The following PLCL2 variants were observed in gnomAD, a reference collection of about 807,000 sequenced individuals.
The protein encoded by PLCL2 is phospholipase C like 2, also known as inactive phospholipase C-like protein 2.
PLCL2 carries 4 observed loss-of-function variants against 79.6 expected under a neutral mutation model. The ratio of observed to expected loss-of-function variants is 0.05; its 90% CI spans 0.02 to 0.11. PLCL2 has a LOEUF of 0.11. PLCL2 is among the 10% of genes least tolerant of loss of function. The probability of loss-of-function intolerance (pLI) is 1.00; values close to 1 mark genes in which losing one functional copy is unlikely to be tolerated. For missense variants in PLCL2, 895 were observed against 1,291.0 expected (o/e 0.69, Z 4.70); for synonymous variants, 484 against 457.7 (o/e 1.06, Z -0.73).
At chr3:16,915,199 T>C (rs1465236809) in intron 1 of PLCL2, among the ~76,000 whole-genome samples, 1 of 152,222 alleles carries the variant, frequency 6.6e-6, no homozygotes, top group African/African-American at 2.4e-5. Context: ...TGCATAACAT[T>C]AGTGAACATT....
chr3:17,055,514 C>A (rs1417931973), intron 4 of PLCL2, among the ~76,000 whole-genome samples: 1 of 152,164 alleles, frequency 6.6e-6, no homozygotes, highest in African/African-American at 2.4e-5. Flanking sequence ...TAACCTTCAC[C>A]CTAATTCTGC....
At chr3:17,066,257 A>G (rs2065010351) in intron 4 of PLCL2, among the ~76,000 whole-genome samples, 1 of 152,186 alleles carries the variant, frequency 6.6e-6, no homozygotes. Context: ...AGTGGAATGA[A>G]TCTTACTAGT....
intron 5 of PLCL2, 80 bp downstream of exon 5, chr3:17,068,145 T>A: frequency 1.3e-6 from 1 of 774,912 alleles, no homozygotes; most frequent in Non-Finnish European, 2.3e-6. Flanking sequence ...TAACATTTCC[T>A]GCATTGTACA....
chr3:17,063,247 T>TCCC (rs1205211590), intron 4 of PLCL2, among the ~76,000 whole-genome samples: 1 of 2,202 alleles, frequency 4.5e-4, no homozygotes, highest in Non-Finnish European at 9.3e-4. Context: ...CCTCCCTGCC[T>TCCC]TCCTCCCTTC....
At chr3:16,903,358 G>A (rs904267809) in intron 1 of PLCL2, among the ~76,000 whole-genome samples, 3 of 152,146 alleles carry the variant, frequency 2.0e-5, no homozygotes, top group East Asian at 1.9e-4. Flanking sequence ...GATACTATGC[G>A]TGGTCTGTAA....
intron 5 of PLCL2, among the ~76,000 whole-genome samples, chr3:17,074,066 G>A (rs530140495): frequency 1.3e-5 from 2 of 152,256 alleles, no homozygotes; most frequent in East Asian, 1.9e-4. Flanking sequence ...TTTCCAGAAG[G>A]TCTTCAATTT....
intron 1 of PLCL2, among the ~76,000 whole-genome samples, chr3:17,005,973 T>G (rs2064256345): frequency 6.6e-6 from 1 of 152,220 alleles, no homozygotes; most frequent in African/African-American, 2.4e-5. Context: ...TTTATACTAT[T>G]TTTTAAAAGT....
chr3:16,965,615 A>G (rs909714049), intron 1 of PLCL2, among the ~76,000 whole-genome samples: 5 of 152,108 alleles, frequency 3.3e-5, no homozygotes, highest in Non-Finnish European at 7.4e-5. Flanking sequence ...CTTGGGCAGT[A>G]TGGCCATTTT....
At chr3:16,997,633 G>A (rs2064167535) in intron 1 of PLCL2, among the ~76,000 whole-genome samples, 1 of 151,572 alleles carries the variant, frequency 6.6e-6, no homozygotes. Context: ...CCACCTCCGG[G>A]GTTCAAGCAA....
intron 1 of PLCL2, among the ~76,000 whole-genome samples, chr3:16,999,799 T>G (rs1247414825): frequency 6.6e-6 from 1 of 151,868 alleles, no homozygotes; most frequent in Non-Finnish European, 1.5e-5. Flanking sequence ...ATTAATAAAA[T>G]TGTGTTACTT....
intron 1 of PLCL2, among the ~76,000 whole-genome samples, chr3:16,964,798 G>T (rs1223199233): frequency 6.2e-4 from 94 of 152,130 alleles, no homozygotes; most frequent in African/African-American, 1.8e-3. Flanking sequence ...TCATGTGTCT[G>T]TTGGCTGCAT....
intron 1 of PLCL2, among the ~76,000 whole-genome samples, chr3:16,971,787 A>T (rs926988648): frequency 3.3e-5 from 5 of 152,056 alleles, no homozygotes; most frequent in Non-Finnish European, 5.9e-5. Context: ...CTGGATTCCT[A>T]GGTATTTTAT....
intron 1 of PLCL2, among the ~76,000 whole-genome samples, chr3:16,983,545 C>G (rs2064020649): frequency 6.6e-6 from 1 of 152,166 alleles, no homozygotes; most frequent in Non-Finnish European, 1.5e-5. Context: ...TGGCCGGCAC[C>G]TGTAATCCCA....
chr3:16,904,869 G>A (rs995084770), intron 1 of PLCL2, among the ~76,000 whole-genome samples: 1 of 152,154 alleles, frequency 6.6e-6, no homozygotes, highest in Non-Finnish European at 1.5e-5. Context: ...GCCATGTAAA[G>A]AAGAATGTGT....
intron 1 of PLCL2, among the ~76,000 whole-genome samples, chr3:16,955,814 A>G (rs1351864974): frequency 1.3e-5 from 2 of 152,072 alleles, no homozygotes; most frequent in East Asian, 3.9e-4. Flanking sequence ...TTCACTCATG[A>G]TTTGGCTCTC....
rs556132970 is a variant in PLCL2 at position 17,083,337 on chromosome 3, A to G, written c.3205-6396A>G. ...AAGGGCATTCCCTGCAGAGGGAACAATGAGTGCATAGACATTGAGGTTGGA... is the reference window on the plus strand; with the variant it reads ...AAGGGCATTCCCTGCAGAGGGAACAGTGAGTGCATAGACATTGAGGTTGGA... On this transcript the variant is annotated intron_variant, in intron 5 of 5. Coordinates refer to ENST00000615277, the MANE Select transcript of PLCL2 (RefSeq NM_001144382.2). Among the ~76,000 whole-genome samples the G allele has an allele frequency of 3.9e-5, 6 of 152,324 alleles. No individual in the cohort carries two copies. The East Asian group carries it at 1.2e-3, about 29-fold the overall frequency.
intron 4 of PLCL2, among the ~76,000 whole-genome samples, chr3:17,059,532 G>A (rs1472466837): frequency 6.6e-6 from 1 of 150,748 alleles, no homozygotes; most frequent in African/African-American, 2.4e-5. Flanking sequence ...ATATATACTT[G>A]CCTCCAGACA....
chr3:17,050,443 G>T (rs1045168670), intron 4 of PLCL2, among the ~76,000 whole-genome samples: 5 of 152,050 alleles, frequency 3.3e-5, no homozygotes, highest in Admixed American at 3.3e-4. Context: ...AAACAACTCT[G>T]TAGGAAAAAA....
At chr3:16,902,881 T>TGTGTGTGC (rs1272936432) in intron 1 of PLCL2, among the ~76,000 whole-genome samples, 46 of 133,908 alleles carry the variant, frequency 3.4e-4, no homozygotes, top group Admixed American at 8.4e-4. Flanking sequence ...TGTGTGTGTG[T>TGTGTGTGC]GNGCGCATGT....
Sources: gnomAD v4.1 joint callset for allele counts (sites outside exome capture counted in the v4.1 genomes callset) on GRCh38, gnomAD v4.1.1 for gene constraint, MANE v1.5 for transcripts, NCBI Gene and HGNC (gene_info 2026-07-23, HGNC 2026-07-21) for gene names.